The following GTF3C3 variants were observed in gnomAD, a reference collection of about 807,000 sequenced individuals.
GTF3C3 encodes general transcription factor IIIC subunit 3.
Under a neutral mutation model 105.2 loss-of-function variants are expected in GTF3C3, and 75 were observed. The ratio of observed to expected loss-of-function variants is 0.71; its 90% confidence interval spans 0.59 to 0.86. GTF3C3 has a LOEUF of 0.86. Ranked by LOEUF, GTF3C3 falls within the 40% of genes least tolerant of loss-of-function variation. The probability of loss-of-function intolerance (pLI) is 0.00; values close to 1 mark genes in which losing one functional copy is unlikely to be tolerated. For synonymous variants in GTF3C3, 335 were observed against 370.4 expected (o/e 0.90, Z 1.10); for missense variants, 856 against 1,076.5 (o/e 0.80, Z 2.87).
At chr2:196,769,217 T>TTTTAC (rs1458788073) in intron 16 of GTF3C3, among the ~76,000 whole-genome samples, 1 of 152,180 alleles carries the variant, frequency 6.6e-6, no homozygotes, top group Non-Finnish European at 1.5e-5. Context: ...ATTTTAACCA[T>TTTTAC]TTTACTTTAA....
At chr2:196,766,150 T>C (rs1699063552) in intron 17 of GTF3C3, among the ~76,000 whole-genome samples, 1 of 152,176 alleles carries the variant, frequency 6.6e-6, no homozygotes, top group Non-Finnish European at 1.5e-5. Context: ...AATCAGACTT[T>C]AAACACAGAT....
chr2:196,774,964 G>A (rs949638803), intron 13 of GTF3C3, 152 bp downstream of exon 13: 4 of 469,746 alleles, frequency 8.5e-6, no homozygotes, highest in Admixed American at 4.2e-5. Flanking sequence ...TTTTAACATC[G>A]AATGAGTTTA....
chr2:196,772,523 G>A (rs1000403395), intron 14 of GTF3C3, among the ~76,000 whole-genome samples: 4 of 151,988 alleles, frequency 2.6e-5, no homozygotes, highest in African/African-American at 9.7e-5. Context: ...ACTCCAGCCT[G>A]GGCAATAGGA....
chr2:196,771,966 G>A, intron 14 of GTF3C3, 28 bp from the exon 15 acceptor site: 1 of 1,474,696 alleles, frequency 6.8e-7, no homozygotes, highest in Non-Finnish European at 9.5e-7. Flanking sequence ...GGGTGAGGGA[G>A]AAAATAATGT....
chr2:196,791,586 C>G (rs1699549910), intron 3 of GTF3C3, 126 bp from the exon 4 acceptor site: 5 of 708,780 alleles, frequency 7.1e-6, no homozygotes, highest in Non-Finnish European at 1.1e-5. Flanking sequence ...TCAGTTTTTG[C>G]AACCCAGAAC....
In GTF3C3 at chr2:196,794,742, CT is replaced by C. The variant is rs1219922050; in HGVS notation, c.215-1591del. Among the ~76,000 whole-genome samples the C allele has an allele frequency of 2.6e-3, 360 of 137,076 alleles. 2 individuals carry two copies. Among genetic ancestry groups the C allele is most frequent in the Non-Finnish European group, 4.8e-3 (301 of 63,222 alleles). 89.9% of individuals were successfully genotyped at this position (137,076 alleles called of 152,430 possible). ...GAGCCACTGAGCCCAGCCAAAAACT[CT>C]TTTTTTTTTGAGAGGGAGTCTCACT... is the stretch of plus-strand genomic sequence containing the variant. On this transcript the variant is annotated intron_variant, in intron 2 of 17. Coordinates refer to ENST00000263956, the MANE Select transcript of GTF3C3 (RefSeq NM_012086.5).
intron 2 of GTF3C3, among the ~76,000 whole-genome samples, chr2:196,796,613 G>C (rs1020814162): frequency 1.3e-5 from 2 of 152,100 alleles, no homozygotes; most frequent in East Asian, 1.9e-4. Flanking sequence ...CCATCACCTA[G>C]ATATTAAGCC....
At chr2:196,781,796 T>C (rs1474345395) in intron 8 of GTF3C3, among the ~76,000 whole-genome samples, 2 of 152,142 alleles carry the variant, frequency 1.3e-5, no homozygotes, top group Non-Finnish European at 2.9e-5. Context: ...GAGCAGAATT[T>C]ACCTACCATG....
intron 8 of GTF3C3, among the ~76,000 whole-genome samples, chr2:196,784,517 G>A (rs960094330): frequency 6.6e-6 from 1 of 151,988 alleles, no homozygotes; most frequent in African/African-American, 2.4e-5. Context: ...GAGCATTTTA[G>A]GTCCTATTTG....
At position 196,773,160 on chromosome 2, in the gene GTF3C3, T is replaced by C. The variant is rs1280817259; in HGVS notation, c.1832-7A>G. On this transcript the variant is annotated splice_region_variant and splice_polypyrimidine_tract_variant and intron_variant, in intron 13 of 17. Transcript: ENST00000263956. ...GTGAGCACAGCAAATATTGCTAAAA[T>C]GAGACCAATGAAAACCAGTTAGGAC... The C allele has an allele frequency of 6.7e-7, 1 of 1,499,268 alleles. No individual in the cohort carries two copies. The highest frequency in any genetic ancestry group is 9.2e-7 in the Non-Finnish European group (1 of 1,088,174). The allele number at this position is 1,499,268 out of a possible 1,614,324, so 92.9% of individuals were successfully genotyped here.
chr2:196,796,971 T>C (rs867543635), intron 2 of GTF3C3, among the ~76,000 whole-genome samples: 3 of 152,274 alleles, frequency 2.0e-5, no homozygotes, highest in African/African-American at 7.2e-5. Context: ...TAGGAACAAA[T>C]CTTGTTTGTT....
rs774322248 is a variant in GTF3C3, at chr2:196,780,546, T to C, written c.1218+13A>G. 3.7e-6 allele frequency: 6 copies of C among 1,610,250 alleles called. No individual in the cohort carries two copies. The highest frequency in any genetic ancestry group is 4.2e-6 in the Non-Finnish European group (5 of 1,177,306). ...TGATCTGAAGTATCTCAAGTGCAGA[T>C]CTTGTTACATACATTAAGTGGTTCA... On this transcript the variant is annotated intron_variant, in intron 9 of 17. Coordinates refer to ENST00000263956, the MANE Select transcript of GTF3C3 (RefSeq NM_012086.5).
intron 16 of GTF3C3, 166 bp from the exon 17 acceptor site, chr2:196,766,883 A>C (rs534419938): frequency 2.3e-6 from 1 of 429,276 alleles, no homozygotes; most frequent in East Asian, 3.4e-5. Flanking sequence ...TGTCAACATT[A>C]TAGCTCTTCT....
At chr2:196,794,623 C>T (rs996451148) in intron 2 of GTF3C3, among the ~76,000 whole-genome samples, 6 of 151,894 alleles carry the variant, frequency 4.0e-5, no homozygotes, top group African/African-American at 9.7e-5. Flanking sequence ...TTAGTAGAGA[C>T]GGGATTTCTC....
intron 13 of GTF3C3, 170 bp downstream of exon 13, chr2:196,774,946 C>G (rs1026272597): frequency 1.5e-5 from 7 of 456,090 alleles, no homozygotes; most frequent in Non-Finnish European, 1.9e-5. Context: ...TTACATTTAG[C>G]CTTTCCTTTT....
In GTF3C3 at chr2:196,799,607, G is replaced by C. The variant is rs1347571628; in HGVS notation, c.5C>G (p.Ser2Ter). Residue 2 changes from serine (S) to a stop codon, truncating the protein, a stop_gained, in exon 1 of 18, where the codon TCA (serine) becomes TGA (stop). Transcript: ENST00000263956. LOFTEE classifies it high-confidence loss of function. The stretch of plus-strand genomic sequence containing the variant: ...GTCGATGAGTTCCGGACTGAACCCT[G>C]ACATGTTTACAGGGTCTGTCTGTGC... The part of the protein sequence containing the change: M[S>*]GFSPELIDYL... 6 of 1,611,530 alleles carry C rather than the reference G, an allele frequency of 3.7e-6. No individual in the cohort carries two copies. Among genetic ancestry groups the C allele is most frequent in the Non-Finnish European group, 5.1e-6 (6 of 1,177,764 alleles).
At chr2:196,768,658 A>C (rs1467788793) in intron 16 of GTF3C3, among the ~76,000 whole-genome samples, 1 of 152,162 alleles carries the variant, frequency 6.6e-6, no homozygotes, top group African/African-American at 2.4e-5. Flanking sequence ...GAAAATGTTT[A>C]ACATACACAA....
Position 196,798,645 on chromosome 2 carries a change from C to T in GTF3C3, c.103-737G>A, listed in dbSNP as rs983535359. ...TTGGGAAGCCGAGGCAGGCGGATCA[C>T]GAGGTCAGGAGTTTGAGACCATCCT... On this transcript the variant is annotated intron_variant, in intron 1 of 17. Coordinates refer to ENST00000263956, the MANE Select transcript of GTF3C3 (RefSeq NM_012086.5). 4.6e-5 allele frequency among the ~76,000 whole-genome samples: 7 copies of T among 151,952 alleles called. No individual in the cohort carries two copies. The East Asian group carries it at 7.7e-4, about 17-fold the overall frequency.
In GTF3C3 at chr2:196,772,900, ATAAC is replaced by A. The variant is rs1409212543; in HGVS notation, c.2069+12_2069+15del. 3 of 1,213,368 alleles carry A rather than the reference ATAAC, an allele frequency of 2.5e-6. No homozygotes were observed. The highest frequency in any genetic ancestry group is 3.5e-6 in the Non-Finnish European group (3 of 856,808). The allele number at this position is 1,213,368 out of a possible 1,614,324, so 75.2% of individuals were successfully genotyped here. On this transcript the variant is annotated intron_variant, in intron 14 of 17. Coordinates refer to ENST00000263956, the MANE Select transcript of GTF3C3 (RefSeq NM_012086.5). Reference sequence around the variant, plus strand: ...CTATTAAAGAATCTAATTAAAATAAATAACTGGGAAATCACCTGATATAGTTGTA... The same window carrying A: ...CTATTAAAGAATCTAATTAAAATAAATGGGAAATCACCTGATATAGTTGTA...
Sources: gnomAD v4.1 joint callset for allele counts (sites outside exome capture counted in the v4.1 genomes callset) on GRCh38, gnomAD v4.1.1 for gene constraint, MANE v1.5 for transcripts, NCBI Gene and HGNC (gene_info 2026-07-23, HGNC 2026-07-21) for gene names.